The following RAD51B variants were observed in gnomAD, a reference collection of about 807,000 sequenced individuals.
The protein encoded by RAD51B is DNA repair protein RAD51 homolog 2.
A neutral mutation model predicts 42.2 loss-of-function variants in RAD51B; 38 were observed. The observed-to-expected ratio is 0.90, with a 90% CI of 0.70 to 1.18. The LOEUF is 1.18. Ranked by LOEUF, RAD51B falls within the 50% of genes most tolerant of loss-of-function variation. The pLI, the probability that RAD51B is intolerant of heterozygous loss-of-function variation, is 0.00. For synonymous variants in RAD51B, 154 were observed against 145.2 expected (o/e 1.06, Z -0.43); for missense variants, 373 against 400.7 (o/e 0.93, Z 0.59).
intron 7 of RAD51B, among the ~76,000 whole-genome samples, chr14:68,022,953 C>T (rs148044356): frequency 6.4e-4 from 98 of 152,186 alleles, no homozygotes; most frequent in African/African-American, 2.2e-3. Context: ...GTCTCTAGCT[C>T]CATCCATGTT....
At chr14:67,909,799 C>T (rs1466975164) in intron 7 of RAD51B, among the ~76,000 whole-genome samples, 1 of 152,128 alleles carries the variant, frequency 6.6e-6, no homozygotes, top group African/African-American at 2.4e-5. Context: ...TACAGGCACA[C>T]ACCACACACC....
intron 10 of RAD51B, among the ~76,000 whole-genome samples, chr14:68,566,234 C>CAA (rs1194678378): frequency 6.6e-6 from 1 of 152,232 alleles, no homozygotes; most frequent in Non-Finnish European, 1.5e-5. Flanking sequence ...TCAGAGTCTA[C>CAA]AAGTATTTGC....
At chr14:68,631,314 G>A (rs528995327) in intron 10 of RAD51B, among the ~76,000 whole-genome samples, 59 of 152,300 alleles carry the variant, frequency 3.9e-4, no homozygotes, top group South Asian at 1.9e-3. Flanking sequence ...CAGAAATCAG[G>A]AAAATACAGT....
At chr14:68,475,973 A>G (rs1352655663) in intron 10 of RAD51B, among the ~76,000 whole-genome samples, 2 of 151,810 alleles carry the variant, frequency 1.3e-5, no homozygotes, top group Non-Finnish European at 2.9e-5. Context: ...CAGTGAGTTC[A>G]GTTCAGCAAA....
intron 2 of RAD51B, among the ~76,000 whole-genome samples, chr14:67,824,164 A>G (rs1413998703): frequency 6.6e-6 from 1 of 152,238 alleles, no homozygotes; most frequent in African/African-American, 2.4e-5. Context: ...GGCCTTAAGC[A>G]ATCCTCCAGC....
chr14:68,328,147 A>G (rs2082283274), intron 8 of RAD51B, among the ~76,000 whole-genome samples: 1 of 152,072 alleles, frequency 6.6e-6, no homozygotes, highest in South Asian at 2.1e-4. Flanking sequence ...TCACTGCAAA[A>G]TTTTGATCAG....
At chr14:68,470,927 A>G (rs2086107863) in intron 10 of RAD51B, among the ~76,000 whole-genome samples, 1 of 152,210 alleles carries the variant, frequency 6.6e-6, no homozygotes, top group Non-Finnish European at 1.5e-5. Flanking sequence ...ACATACTGCA[A>G]CATCAAAGCT....
intron 7 of RAD51B, among the ~76,000 whole-genome samples, chr14:68,178,960 T>C (rs992989922): frequency 6.6e-6 from 1 of 152,190 alleles, no homozygotes; most frequent in Non-Finnish European, 1.5e-5. Flanking sequence ...CTTTGAAGTG[T>C]AGATAAAATT....
At chr14:68,087,567 G>A (rs1226547646) in intron 7 of RAD51B, among the ~76,000 whole-genome samples, 2 of 151,756 alleles carry the variant, frequency 1.3e-5, no homozygotes, top group East Asian at 1.9e-4. Flanking sequence ...GTGGTTTAAC[G>A]GAAAGAAAGT....
intron 10 of RAD51B, among the ~76,000 whole-genome samples, chr14:68,638,591 G>A (rs892901755): frequency 2.0e-5 from 3 of 152,188 alleles, no homozygotes; most frequent in Admixed American, 2.0e-4. Flanking sequence ...TGGGTGATGG[G>A]GGAGGGGAGC....
chr14:68,032,833 A>G (rs1251574449), intron 7 of RAD51B, among the ~76,000 whole-genome samples: 1 of 152,110 alleles, frequency 6.6e-6, no homozygotes, highest in African/African-American at 2.4e-5. Flanking sequence ...TTTCAGCTCT[A>G]TCTTATACCA....
chr14:67,866,922 A>G (rs557044103), intron 5 of RAD51B, among the ~76,000 whole-genome samples: 11 of 152,352 alleles, frequency 7.2e-5, no homozygotes, highest in African/African-American at 2.6e-4. Flanking sequence ...ATTACGTTGC[A>G]TAGTTCACAA....
intron 7 of RAD51B, among the ~76,000 whole-genome samples, chr14:68,116,693 A>G (rs532717551): frequency 2.0e-5 from 3 of 152,292 alleles, no homozygotes; most frequent in South Asian, 2.1e-4. Context: ...GTGATTAGCT[A>G]TATTTGCAGG....
intron 5 of RAD51B, 105 bp from the exon 6 acceptor site, chr14:67,885,764 T>C: frequency 7.1e-7 from 1 of 1,410,860 alleles, no homozygotes; most frequent in South Asian, 1.7e-5. Context: ...ACCTGCTCTA[T>C]TGATAAGGCT....
rs1175572312 is a variant in RAD51B at position 68,215,681 on chromosome 14, C to A, written c.757-76203C>A. On this transcript the variant is annotated intron_variant, in intron 7 of 10. Coordinates refer to ENST00000471583, the MANE Select transcript of RAD51B (RefSeq NM_133510.4). ...TTGTTACCACTGGAGAGGTTATGAA[C>A]GTGCCCAAAGGCACTGGCTGCCTAG... 1.3e-5 allele frequency among the ~76,000 whole-genome samples: 2 copies of A among 152,204 alleles called. 1 individual carries two copies. The highest frequency in any genetic ancestry group is 4.1e-4 in the South Asian group (2 of 4,830).
chr14:68,212,170 G>A (rs1349467823), intron 7 of RAD51B, among the ~76,000 whole-genome samples: 1 of 152,192 alleles, frequency 6.6e-6, no homozygotes, highest in Admixed American at 6.5e-5. Flanking sequence ...GACCCAAGCT[G>A]TACAGTTCAT....
At chr14:68,441,537 A>G (rs78076345) in intron 9 of RAD51B, among the ~76,000 whole-genome samples, 3,776 of 75,958 alleles carry the variant, frequency 0.05, 17 homozygotes, top group East Asian at 0.18. Flanking sequence ...GCAAGACTCC[A>G]TCTCAAAAAA....
Position 68,343,624 on chromosome 14 carries a change from T to A in RAD51B, c.853+51644T>A, listed in dbSNP as rs1017518810. Among the ~76,000 whole-genome samples the A allele has an allele frequency of 2.6e-5, 4 of 152,360 alleles. No individual in the cohort carries two copies. The East Asian group carries it at 5.8e-4, about 22-fold the overall frequency. On this transcript the variant is annotated intron_variant, in intron 8 of 10. Coordinates refer to ENST00000471583, the MANE Select transcript of RAD51B (RefSeq NM_133510.4). ...ACAAGCAGGCTGAGGAACAACCACT[T>A]GCTTAGAAAGATTAGCGTGACTAAA...
chr14:67,921,156 C>T (rs2044308851), intron 7 of RAD51B, among the ~76,000 whole-genome samples: 1 of 152,182 alleles, frequency 6.6e-6, no homozygotes, highest in South Asian at 2.1e-4. Flanking sequence ...TCCTGAATTT[C>T]ACTCCAGACC....
Sources: allele counts gnomAD v4.1 joint callset (sites outside exome capture counted in the v4.1 genomes callset), GRCh38; gene constraint gnomAD v4.1.1; transcripts MANE v1.5; gene names NCBI Gene and HGNC (gene_info 2026-07-23, HGNC 2026-07-21).